Variants in DCLK1 observed in about 807,000 individuals in gnomAD.
The protein encoded by DCLK1 is serine/threonine-protein kinase DCLK1.
DCLK1 carries 16 observed loss-of-function variants against 86.2 expected under a neutral mutation model. The observed-to-expected ratio is 0.19, with a 90% CI of 0.13 to 0.28. The LOEUF (loss-of-function observed/expected upper bound fraction) is 0.28, where lower values mean the gene tolerates loss of function less well. DCLK1 is among the 10% of genes least tolerant of loss of function. The probability of loss-of-function intolerance (pLI) is 1.00; values close to 1 mark genes in which losing one functional copy is unlikely to be tolerated. For synonymous variants in DCLK1, 369 were observed against 370.5 expected, an observed-to-expected ratio of 1.00 and a Z score of 0.05; for missense variants, 590 against 940.2, an observed-to-expected ratio of 0.63 and a Z score of 4.87.
At chr13:35,817,355 T>A (rs1345746278) in intron 11 of DCLK1, among the ~76,000 whole-genome samples, 1 of 152,132 alleles carries the variant, frequency 6.6e-6, no homozygotes, top group Admixed American at 6.5e-5. Context: ...TCAACTTCCA[T>A]GCAAATTCAG....
At chr13:36,061,099 G>A (rs1327936222) in intron 3 of DCLK1, among the ~76,000 whole-genome samples, 1 of 152,154 alleles carries the variant, frequency 6.6e-6, no homozygotes, top group Admixed American at 6.5e-5. Context: ...ATGTGGTGAT[G>A]GCGATGATGG....
At chr13:36,061,680 G>A (rs893644571) in intron 3 of DCLK1, among the ~76,000 whole-genome samples, 6 of 152,164 alleles carry the variant, frequency 3.9e-5, no homozygotes. Flanking sequence ...GCAACAGATA[G>A]GAGTGAAATG....
intron 15 of DCLK1, among the ~76,000 whole-genome samples, chr13:35,801,984 C>A (rs772874868): frequency 2.6e-5 from 4 of 152,120 alleles, no homozygotes; most frequent in Non-Finnish European, 4.4e-5. Context: ...TCTTCCCAGT[C>A]TTCTCCAGGA....
At chr13:36,104,005 C>T (rs529724264) in intron 3 of DCLK1, among the ~76,000 whole-genome samples, 6 of 152,282 alleles carry the variant, frequency 3.9e-5, no homozygotes, top group Admixed American at 1.3e-4. Context: ...CTTTCAATAG[C>T]GAAAATGATC....
chr13:35,874,727 G>A (rs773892138), intron 4 of DCLK1, among the ~76,000 whole-genome samples: 9 of 152,286 alleles, frequency 5.9e-5, no homozygotes, highest in Non-Finnish European at 8.8e-5. Context: ...AACCAGGACC[G>A]TTCCCATGGG....
At chr13:36,054,237 A>G (rs2153157764) in intron 3 of DCLK1, among the ~76,000 whole-genome samples, 1 of 152,282 alleles carries the variant, frequency 6.6e-6, no homozygotes, top group East Asian at 1.9e-4. Flanking sequence ...GCAGTGACAC[A>G]TCATCAGTAT....
At chr13:35,955,566 G>A (rs940461132) in intron 3 of DCLK1, among the ~76,000 whole-genome samples, 2 of 152,062 alleles carry the variant, frequency 1.3e-5, no homozygotes, top group Non-Finnish European at 2.9e-5. Context: ...GAATTTGGGG[G>A]GATACAAACG....
intron 2 of DCLK1, among the ~76,000 whole-genome samples, chr13:36,117,835 A>G (rs1257033151): frequency 1.3e-5 from 2 of 152,152 alleles, no homozygotes; most frequent in African/African-American, 4.8e-5. Context: ...TTCCACCACA[A>G]GGCAGTAAGT....
chr13:36,059,534 A>G (rs1412414841), intron 3 of DCLK1, among the ~76,000 whole-genome samples: 4 of 152,190 alleles, frequency 2.6e-5, no homozygotes, highest in Non-Finnish European at 5.9e-5. Flanking sequence ...AACTGCCAGC[A>G]TCAGGGGAAA....
chr13:35,951,873 C>A (rs1224882380), intron 3 of DCLK1, among the ~76,000 whole-genome samples: 1 of 152,136 alleles, frequency 6.6e-6, no homozygotes, highest in Non-Finnish European at 1.5e-5. Context: ...TTCTGTAGAT[C>A]CTAGCTTCAG....
intron 4 of DCLK1, among the ~76,000 whole-genome samples, chr13:35,939,215 C>T (rs1876948082): frequency 6.6e-6 from 1 of 152,098 alleles, no homozygotes; most frequent in Non-Finnish European, 1.5e-5. Context: ...AGCCAATGTG[C>T]CCTGTATTCG....
chr13:36,067,684 TG>T (rs1883811362), intron 3 of DCLK1, among the ~76,000 whole-genome samples: 2 of 151,948 alleles, frequency 1.3e-5, no homozygotes, highest in African/African-American at 2.4e-5. Context: ...GAGTGGATCT[TG>T]GTGCCACACC....
chr13:35,776,906 C>G (rs1427142436), intron 16 of DCLK1, among the ~76,000 whole-genome samples: 1 of 152,206 alleles, frequency 6.6e-6, no homozygotes, highest in African/African-American at 2.4e-5. Flanking sequence ...TACTGTAATT[C>G]AGTTTATGCA....
intron 8 of DCLK1, among the ~76,000 whole-genome samples, chr13:35,835,743 A>G (rs1869320916): frequency 6.6e-6 from 1 of 152,210 alleles, no homozygotes; most frequent in Non-Finnish European, 1.5e-5. Context: ...AAACTATTCA[A>G]TATGGTTTTT....
intron 8 of DCLK1, among the ~76,000 whole-genome samples, chr13:35,828,819 G>C (rs1364570797): frequency 2.0e-5 from 3 of 152,060 alleles, no homozygotes; most frequent in Non-Finnish European, 2.9e-5. Context: ...AGTCTCTCCT[G>C]AGGTTCTCTA....
chr13:35,850,851 C>T, intron 6 of DCLK1: 1 of 1,264,070 alleles, frequency 7.9e-7, no homozygotes, highest in Non-Finnish European at 1.1e-6. Context: ...GAGAGCAGCA[C>T]TGAATGGGCA....
chr13:35,882,222 C>T (rs188101136), intron 4 of DCLK1, among the ~76,000 whole-genome samples: 13 of 152,264 alleles, frequency 8.5e-5, no homozygotes, highest in African/African-American at 2.9e-4. Context: ...ATCTCTGCCT[C>T]CATCTTTACA....
chr13:35,863,403 T>C (rs1212632897), intron 5 of DCLK1, among the ~76,000 whole-genome samples: 1 of 152,198 alleles, frequency 6.6e-6, no homozygotes, highest in Non-Finnish European at 1.5e-5. Context: ...GTGAGAAATT[T>C]ATACAAGCAG....
chr13:35,961,506 G>A (rs1031293377), intron 3 of DCLK1, among the ~76,000 whole-genome samples: 1 of 152,152 alleles, frequency 6.6e-6, no homozygotes. Context: ...CATGAAAATT[G>A]TATTTTCTTT....
Sources: gnomAD v4.1 joint callset for allele counts (sites outside exome capture counted in the v4.1 genomes callset) on GRCh38, gnomAD v4.1.1 for gene constraint, MANE v1.5 for transcripts, NCBI Gene and HGNC (gene_info 2026-07-23, HGNC 2026-07-21) for gene names.